The following EYS variants were observed in gnomAD, a reference collection of about 807,000 sequenced individuals.
The protein encoded by EYS is EGF-like photoreceptor maintenance factor.
Under a neutral mutation model 282.1 loss-of-function variants are expected in EYS, and 250 were observed. The ratio of observed to expected loss-of-function variants is 0.89; its 90% CI spans 0.80 to 0.98. EYS has a LOEUF of 0.98. Ranked by LOEUF, EYS falls within the 50% of genes least tolerant of loss-of-function variation. The pLI is 0.00. For synonymous variants in EYS, 1,355 were observed against 1,282.9 expected (o/e 1.06, Z -1.20); for missense variants, 4,016 against 3,709.0 (o/e 1.08, Z -2.15).
intron 12 of EYS, among the ~76,000 whole-genome samples, chr6:65,262,769 A>C (rs1767653123): frequency 1.3e-5 from 2 of 152,056 alleles, no homozygotes; most frequent in African/African-American, 4.8e-5. Flanking sequence ...GGTTCATTTA[A>C]AGCTCATGTA....
At chr6:64,041,478 G>GT in intron 33 of EYS, among the ~76,000 whole-genome samples, 1 of 152,168 alleles carries the variant, frequency 6.6e-6, no homozygotes, top group Admixed American at 6.5e-5. Flanking sequence ...GTAGAAAATG[G>GT]TAAGTGCTTT....
Position 63,940,316 on chromosome 6 carries a change from TA to T in EYS, c.7055+44066del, listed in dbSNP as rs34912126. Reference sequence around the variant, plus strand: ...AATGAACACAACATAAAACCATTGTTAAAAAAAAAAAGAAAAGGAAATTTGT... The same window carrying T: ...AATGAACACAACATAAAACCATTGTTAAAAAAAAAAGAAAAGGAAATTTGT... On this transcript the variant is annotated intron_variant, in intron 35 of 42. Coordinates refer to ENST00000503581, the MANE Select transcript of EYS (RefSeq NM_001142800.2). Among the ~76,000 whole-genome samples the T allele has an allele frequency of 6.8e-4, 99 of 146,050 alleles. 1 individual carries two copies. Among genetic ancestry groups the T allele is most frequent in the South Asian group, 6.5e-4 (3 of 4,582 alleles).
chr6:65,696,944 A>G (rs1769477408), intron 1 of EYS, among the ~76,000 whole-genome samples: 1 of 152,046 alleles, frequency 6.6e-6, no homozygotes, highest in South Asian at 2.1e-4. Flanking sequence ...CTTTTAAAAT[A>G]CACCATATTG....
rs538884335 is a variant in EYS, at chr6:65,361,008, G to A, written c.1300-7391C>T. On this transcript the variant is annotated intron_variant, in intron 8 of 42. Transcript: ENST00000503581. ...GTGACTGGAGTTCAAGGAATGGTAGGTGACCATAAATTATTGAATATCTGT... is the reference window on the plus strand; with the variant it reads ...GTGACTGGAGTTCAAGGAATGGTAGATGACCATAAATTATTGAATATCTGT... Among the ~76,000 whole-genome samples the A allele has an allele frequency of 5.3e-5, 8 of 152,016 alleles. No homozygotes were observed. In the South Asian group the frequency reaches 1.5e-3, roughly 28 times the overall value.
At chr6:65,394,978 T>C (rs1194481307) in intron 7 of EYS, among the ~76,000 whole-genome samples, 1 of 152,124 alleles carries the variant, frequency 6.6e-6, no homozygotes, top group Non-Finnish European at 1.5e-5. Flanking sequence ...ATAGCCAACC[T>C]TCCTGAGCAT....
intron 2 of EYS, among the ~76,000 whole-genome samples, chr6:65,587,966 A>G (rs1342807659): frequency 6.6e-6 from 1 of 152,094 alleles, no homozygotes; most frequent in African/African-American, 2.4e-5. Flanking sequence ...CTTAAGTTTG[A>G]ACAATAAATC....
In EYS at chr6:64,581,128, G is replaced by T. The variant is rs148182187; in HGVS notation, c.5644+9095C>A. 2.0e-5 allele frequency among the ~76,000 whole-genome samples: 3 copies of T among 152,190 alleles called. No homozygotes were observed. In the East Asian group the frequency reaches 5.8e-4, roughly 29 times the overall value. On this transcript the variant is annotated intron_variant, in intron 26 of 42. Transcript: ENST00000503581. ...ATGAGTGAAAGTGCAAAGACAAATT[G>T]CGGAATAAAGGAATAAGAATTGACT...
chr6:63,875,922 G>T (rs941598277), intron 35 of EYS, among the ~76,000 whole-genome samples: 1 of 152,120 alleles, frequency 6.6e-6, no homozygotes, highest in Non-Finnish European at 1.5e-5. Flanking sequence ...CAAAAAACCA[G>T]CTCCTGGATT....
chr6:64,515,339 G>A (rs1181633185), intron 26 of EYS, among the ~76,000 whole-genome samples: 1 of 151,480 alleles, frequency 6.6e-6, no homozygotes, highest in African/African-American at 2.4e-5. Flanking sequence ...GTAAGTAAAA[G>A]GGAAGGTTTT....
At chr6:64,793,813 T>C (rs1774264736) in intron 22 of EYS, among the ~76,000 whole-genome samples, 1 of 152,176 alleles carries the variant, frequency 6.6e-6, no homozygotes, top group African/African-American at 2.4e-5. Context: ...TTTTTTTGTT[T>C]GTTTTGTGGT....
chr6:64,508,551 T>TTTTTTA (rs149886419), intron 26 of EYS, among the ~76,000 whole-genome samples: 5 of 142,506 alleles, frequency 3.5e-5, no homozygotes, highest in Non-Finnish European at 6.1e-5. Flanking sequence ...TTTCTAAGTA[T>TTTTTTA]TTATTATTAT....
chr6:63,995,435 T>A (rs1767792187), intron 34 of EYS, among the ~76,000 whole-genome samples: 1 of 151,954 alleles, frequency 6.6e-6, no homozygotes, highest in Non-Finnish European at 1.5e-5. Context: ...AGTGGAAATT[T>A]ATGAGCACGG....
intron 37 of EYS, among the ~76,000 whole-genome samples, chr6:63,796,908 G>A (rs569579427): frequency 6.6e-6 from 1 of 152,314 alleles, no homozygotes; most frequent in Non-Finnish European, 1.5e-5. Flanking sequence ...AAGGCTGAAA[G>A]AGAAAATGTA....
chr6:65,109,395 G>A (rs1384820700), intron 12 of EYS, among the ~76,000 whole-genome samples: 1 of 151,946 alleles, frequency 6.6e-6, no homozygotes, highest in African/African-American at 2.4e-5. Context: ...TCTTGTTATA[G>A]TAGAATTTTT....
At chr6:64,801,540 T>C (rs1166566957) in intron 22 of EYS, among the ~76,000 whole-genome samples, 1 of 119,848 alleles carries the variant, frequency 8.3e-6, no homozygotes, top group Non-Finnish European at 2.0e-5. Context: ...TTATATACTC[T>C]GGGTTGATGA....
intron 19 of EYS, among the ~76,000 whole-genome samples, chr6:64,831,036 G>A (rs1299879202): frequency 6.6e-6 from 1 of 151,938 alleles, no homozygotes; most frequent in African/African-American, 2.4e-5. Context: ...GGGATCAACT[G>A]AGGCTTCTGT....
chr6:64,327,115 A>C (rs1463756684), intron 29 of EYS, among the ~76,000 whole-genome samples: 1 of 152,016 alleles, frequency 6.6e-6, no homozygotes, highest in South Asian at 2.1e-4. Context: ...TGATGTGGGG[A>C]GGCACGGATC....
At chr6:64,238,407 A>G (rs1478166280) in intron 30 of EYS, among the ~76,000 whole-genome samples, 1 of 152,108 alleles carries the variant, frequency 6.6e-6, no homozygotes, top group African/African-American at 2.4e-5. Context: ...TTTTATTTCA[A>G]TGGCTTTAGG....
intron 31 of EYS, among the ~76,000 whole-genome samples, chr6:64,127,857 A>T (rs573942357): frequency 6.6e-6 from 1 of 152,278 alleles, no homozygotes; most frequent in East Asian, 1.9e-4. Flanking sequence ...TATACTTATT[A>T]TATGGGAAAA....
Sources: allele counts gnomAD v4.1 joint callset (sites outside exome capture counted in the v4.1 genomes callset), GRCh38; gene constraint gnomAD v4.1.1; transcripts MANE v1.5; gene names NCBI Gene and HGNC (gene_info 2026-07-23, HGNC 2026-07-21).